Variants in LRMDA observed in about 807,000 individuals in gnomAD.
LRMDA encodes leucine-rich melanocyte differentiation-associated protein.
In LRMDA, 18 loss-of-function variants were observed where a neutral mutation model predicts 29.8. The ratio of observed to expected loss-of-function variants is 0.60; its 90% CI spans 0.42 to 0.90. LRMDA has a LOEUF of 0.90. LRMDA is among the 40% of genes least tolerant of loss of function. LRMDA has a pLI of 0.00. For missense variants in LRMDA, 273 were observed against 273.9 expected (o/e 1.00, Z 0.02); for synonymous variants, 125 against 109.4 (o/e 1.14, Z -0.89).
At chr10:76,183,662 A>C (rs535125331) in intron 5 of LRMDA, among the ~76,000 whole-genome samples, 17 of 152,354 alleles carry the variant, frequency 1.1e-4, no homozygotes, top group Admixed American at 4.6e-4. Context: ...GGAGATCTAA[A>C]TATGCTACAC....
intron 2 of LRMDA, among the ~76,000 whole-genome samples, chr10:75,850,913 A>G (rs549212396): frequency 2.0e-4 from 31 of 152,322 alleles, no homozygotes; most frequent in African/African-American, 7.2e-4. Context: ...GGCATGAACA[A>G]TGAGAGAACA....
intron 2 of LRMDA, among the ~76,000 whole-genome samples, chr10:75,923,785 A>G (rs1028497749): frequency 1.3e-5 from 2 of 152,168 alleles, no homozygotes; most frequent in Admixed American, 6.5e-5. Flanking sequence ...CTTCAGAGGA[A>G]TGACCTTCCA....
At chr10:75,585,312 T>C (rs899325872) in intron 2 of LRMDA, among the ~76,000 whole-genome samples, 1 of 152,278 alleles carries the variant, frequency 6.6e-6, no homozygotes, top group Non-Finnish European at 1.5e-5. Flanking sequence ...GATTTATCCA[T>C]GTTAATGTAG....
chr10:76,179,101 T>A (rs917118897), intron 5 of LRMDA, among the ~76,000 whole-genome samples: 11 of 152,192 alleles, frequency 7.2e-5, no homozygotes, highest in Non-Finnish European at 1.6e-4. Context: ...CCAGTCTTTA[T>A]GTCCCCACCC....
intron 2 of LRMDA, among the ~76,000 whole-genome samples, chr10:75,709,820 A>T (rs1564546311): frequency 6.6e-6 from 1 of 152,160 alleles, no homozygotes; most frequent in African/African-American, 2.4e-5. Flanking sequence ...TCCTCCCTGA[A>T]AGGCATTAAG....
chr10:76,022,600 G>T (rs987225842), intron 2 of LRMDA, among the ~76,000 whole-genome samples: 2 of 151,958 alleles, frequency 1.3e-5, no homozygotes, highest in Non-Finnish European at 2.9e-5. Flanking sequence ...TGCAGATCTG[G>T]CTGCCTGGCA....
chr10:76,219,494 C>T (rs372791175), intron 5 of LRMDA, among the ~76,000 whole-genome samples: 6 of 152,188 alleles, frequency 3.9e-5, no homozygotes, highest in African/African-American at 1.4e-4. Flanking sequence ...GACTTTAAAC[C>T]AACAAAGATC....
chr10:76,180,138 A>AG (rs760943050), intron 5 of LRMDA, among the ~76,000 whole-genome samples: 115 of 152,218 alleles, frequency 7.6e-4, no homozygotes, highest in Non-Finnish European at 1.5e-3. Flanking sequence ...ACTTGATGAT[A>AG]GGGAAAAAAA....
chr10:75,913,567 G>C (rs1845879595), intron 2 of LRMDA, among the ~76,000 whole-genome samples: 1 of 152,222 alleles, frequency 6.6e-6, no homozygotes, highest in South Asian at 2.1e-4. Flanking sequence ...CCGTGTGCCT[G>C]ATAGAGAAGT....
intron 2 of LRMDA, among the ~76,000 whole-genome samples, chr10:75,929,596 G>A (rs939137104): frequency 6.6e-6 from 1 of 152,168 alleles, no homozygotes; most frequent in Non-Finnish European, 1.5e-5. Context: ...GCCTGGGATA[G>A]TGCCTTACTA....
intron 2 of LRMDA, among the ~76,000 whole-genome samples, chr10:75,696,458 A>T (rs964779841): frequency 6.6e-6 from 1 of 152,208 alleles, no homozygotes; most frequent in Non-Finnish European, 1.5e-5. Flanking sequence ...AAAAGGGGAG[A>T]ACTGGAAAGA....
At chr10:76,056,488 T>C (rs1331291957) in intron 4 of LRMDA, among the ~76,000 whole-genome samples, 1 of 152,150 alleles carries the variant, frequency 6.6e-6, no homozygotes, top group East Asian at 1.9e-4. Context: ...ATAGTGCCCA[T>C]GGTGCCCAGG....
chr10:76,405,325 C>T (rs1841891436), intron 6 of LRMDA, among the ~76,000 whole-genome samples: 1 of 152,176 alleles, frequency 6.6e-6, no homozygotes, highest in South Asian at 2.1e-4. Flanking sequence ...ATTCTGGTCT[C>T]CTTTTGTACC....
chr10:75,614,614 A>G (rs1475246567), intron 2 of LRMDA, among the ~76,000 whole-genome samples: 1 of 152,024 alleles, frequency 6.6e-6, no homozygotes, highest in Non-Finnish European at 1.5e-5. Context: ...TCCTCTTCCT[A>G]GAAGGGATGG....
At chr10:76,241,714 A>G (rs1247494) in intron 5 of LRMDA, among the ~76,000 whole-genome samples, 59,610 of 151,956 alleles carry the variant, frequency 0.39, 13,248 homozygotes, top group South Asian at 0.52. Flanking sequence ...CAATTGGGGA[A>G]TGCCCTGGTG....
At chr10:76,244,265 A>G (rs1261715109) in intron 5 of LRMDA, among the ~76,000 whole-genome samples, 1 of 152,192 alleles carries the variant, frequency 6.6e-6, no homozygotes, top group Non-Finnish European at 1.5e-5. Context: ...AGTGCCTGGT[A>G]CATGACAGGC....
intron 2 of LRMDA, among the ~76,000 whole-genome samples, chr10:75,813,706 C>G (rs1844005668): frequency 1.3e-5 from 2 of 152,182 alleles, no homozygotes; most frequent in South Asian, 4.1e-4. Flanking sequence ...ATAGATACAA[C>G]TTTACATGCA....
chr10:75,892,164 G>A (rs148827319), intron 2 of LRMDA, among the ~76,000 whole-genome samples: 165 of 152,284 alleles, frequency 1.1e-3, no homozygotes, highest in Middle Eastern at 3.4e-3. Context: ...GCGCTTGCTC[G>A]TTATATTCCT....
chr10:76,073,557 G>A (rs941532052), intron 5 of LRMDA, among the ~76,000 whole-genome samples: 1 of 152,104 alleles, frequency 6.6e-6, no homozygotes, highest in African/African-American at 2.4e-5. Context: ...TATGTGCAGG[G>A]TATGTGTGTG....
Sources: gnomAD v4.1 joint callset for allele counts (sites outside exome capture counted in the v4.1 genomes callset) on GRCh38, gnomAD v4.1.1 for gene constraint, MANE v1.5 for transcripts, NCBI Gene and HGNC (gene_info 2026-07-23, HGNC 2026-07-21) for gene names.